The following CEP57L1 variants were observed in gnomAD, a reference collection of about 807,000 sequenced individuals.
CEP57L1 encodes centrosomal protein CEP57L1.
Under a neutral mutation model 61.0 loss-of-function variants are expected in CEP57L1, and 37 were observed. The ratio of observed to expected loss-of-function variants is 0.61; its 90% CI spans 0.47 to 0.80. The LOEUF (loss-of-function observed/expected upper bound fraction) is 0.80, where lower values mean the gene tolerates loss of function less well. CEP57L1 is among the 30% of genes least tolerant of loss of function. The probability of loss-of-function intolerance (pLI) is 0.00; values close to 1 mark genes in which losing one functional copy is unlikely to be tolerated. For synonymous variants in CEP57L1, 137 were observed against 162.3 expected (o/e 0.84, Z 1.19); for missense variants, 422 against 524.7 (o/e 0.80, Z 1.91).
rs945431274 is a variant in CEP57L1, at chr6:109,167,448, C to T, written c.*4478C>T. Among the ~76,000 whole-genome samples the T allele has an allele frequency of 4.0e-5, 6 of 151,772 alleles. No individual in the cohort carries two copies. Among genetic ancestry groups the T allele is most frequent in the African/African-American group, 1.5e-4 (6 of 41,318 alleles). Reference sequence around the variant, plus strand: ...CTGTAATCCCAGCACTGTGAGAGGCCGAGGCAGGCGGATCACCTAAGTCAG... The same window carrying T: ...CTGTAATCCCAGCACTGTGAGAGGCTGAGGCAGGCGGATCACCTAAGTCAG... On this transcript the variant is annotated 3_prime_UTR_variant, in exon 11 of 11. Coordinates refer to ENST00000517392, the MANE Select transcript of CEP57L1 (RefSeq NM_001271852.3).
rs1256672966 is a variant in CEP57L1, at chr6:109,146,859, G to A, written c.262G>A (p.Ala88Thr). Residue 88 changes from alanine (A) to threonine (T), a missense_variant, in exon 3 of 11, where the codon GCA (alanine) becomes ACA (threonine). Physicochemically the swap from Ala to Thr is moderately conservative, Grantham distance 58. Coordinates refer to ENST00000517392, the MANE Select transcript of CEP57L1 (RefSeq NM_001271852.3). ...DNLNILSREA[A>T]QYKKALENET... ...CCTGAACATTCTTTCCAGAGAAGCA[G>A]CACAGTATAAGAAGGCCTTAGAGAA... The A allele has an allele frequency of 6.2e-7, 1 of 1,610,518 alleles. No individual in the cohort carries two copies. Among genetic ancestry groups the A allele is most frequent in the Non-Finnish European group, 8.5e-7 (1 of 1,178,330 alleles).
chr6:109,125,705 CTGAT>C (rs138233619), intron 1 of CEP57L1, among the ~76,000 whole-genome samples: 15,988 of 150,558 alleles, frequency 0.11, 1,215 homozygotes, highest in Non-Finnish European at 0.17. Context: ...CCTGTCTTGA[CTGAT>C]TGATTGATTG....
At chr6:109,154,353 C>T in intron 5 of CEP57L1, among the ~76,000 whole-genome samples, 1 of 152,114 alleles carries the variant, frequency 6.6e-6, no homozygotes, top group Admixed American at 6.6e-5. Flanking sequence ...CCTCCTTGAA[C>T]TCTCCAACAC....
At chr6:109,146,079 C>T (rs1454737462) in intron 2 of CEP57L1, among the ~76,000 whole-genome samples, 1 of 151,800 alleles carries the variant, frequency 6.6e-6, no homozygotes, top group Admixed American at 6.6e-5. Flanking sequence ...TTATTTATCT[C>T]ATTTATAAAA....
intron 4 of CEP57L1, among the ~76,000 whole-genome samples, chr6:109,150,661 C>T (rs1047049963): frequency 1.7e-5 from 1 of 59,824 alleles, no homozygotes; most frequent in African/African-American, 5.6e-5. Flanking sequence ...GACTCTGTCT[C>T]AAAAAAAAAA....
chr6:109,110,179 C>A (rs554545100), intron 1 of CEP57L1, among the ~76,000 whole-genome samples: 3 of 152,256 alleles, frequency 2.0e-5, no homozygotes, highest in Admixed American at 1.3e-4. Context: ...GTTTTTATTT[C>A]TCCACATCCT....
At chr6:109,114,186 G>T (rs779592798) in intron 1 of CEP57L1, among the ~76,000 whole-genome samples, 10 of 151,878 alleles carry the variant, frequency 6.6e-5, no homozygotes, top group African/African-American at 9.7e-5. Flanking sequence ...AGAGTATAAG[G>T]GTTTCTTTTT....
At chr6:109,124,896 G>A (rs1449173371) in intron 1 of CEP57L1, 1 of 152,128 alleles carries the variant, frequency 6.6e-6, no homozygotes. Flanking sequence ...TAATTAAGTT[G>A]TGGATGTTTC....
rs1342527900 is a variant in CEP57L1 at position 109,149,727 on chromosome 6, G to A, written c.341-391G>A. 1.1e-4 allele frequency among the ~76,000 whole-genome samples: 17 copies of A among 149,646 alleles called. 1 individual carries two copies. The highest frequency in any genetic ancestry group is 1.0e-3 in the South Asian group (5 of 4,772). On this transcript the variant is annotated intron_variant, in intron 3 of 10. Transcript: ENST00000517392. ...CTTTGGGCAGTATGGCCATTTTCAC[G>A]ATATTGATTCTTCCTACCCATGAGC...
In CEP57L1 at chr6:109,163,940, G is replaced by C. The variant is rs902957810; in HGVS notation, c.*970G>C. On this transcript the variant is annotated 3_prime_UTR_variant, in exon 11 of 11. Coordinates refer to ENST00000517392, the MANE Select transcript of CEP57L1 (RefSeq NM_001271852.3). ...CTATGGGAACTAGTACAACTCTTCT[G>C]AACTCTTGGTTTCTCACTCAAATCC... 4.6e-5 allele frequency: 7 copies of C among 152,088 alleles called. No homozygotes were observed. Among genetic ancestry groups the C allele is most frequent in the African/African-American group, 1.7e-4 (7 of 41,402 alleles). 9.4% of individuals were successfully genotyped at this position (152,088 alleles called of 1,614,324 possible). A position where few individuals can be genotyped will look rare whatever the true frequency, so the allele number is the denominator to read the frequency against.
At chr6:109,132,746 G>A (rs1583511588) in intron 1 of CEP57L1, among the ~76,000 whole-genome samples, 1 of 152,180 alleles carries the variant, frequency 6.6e-6, no homozygotes, top group East Asian at 1.9e-4. Context: ...TGTTCTCATA[G>A]TTCTACATCA....
chr6:109,121,977 A>G (rs1391738499), intron 1 of CEP57L1, among the ~76,000 whole-genome samples: 1 of 152,204 alleles, frequency 6.6e-6, no homozygotes. Flanking sequence ...CATTCTATCT[A>G]CTGTATTTCA....
intron 1 of CEP57L1, among the ~76,000 whole-genome samples, chr6:109,103,813 T>G (rs1290357400): frequency 6.6e-6 from 1 of 152,188 alleles, no homozygotes; most frequent in East Asian, 1.9e-4. Context: ...ATGAATTTTA[T>G]AAACCAGTCT....
At chr6:109,115,608 T>A (rs74346338) in intron 1 of CEP57L1, among the ~76,000 whole-genome samples, 2,540 of 152,224 alleles carry the variant, frequency 0.017, 56 homozygotes, top group Middle Eastern at 0.058. Flanking sequence ...TTATTTTTTT[T>A]AAAAAATCTG....
At position 109,160,780 on chromosome 6, in the gene CEP57L1, T is replaced by C. The variant is rs753530232; in HGVS notation, c.1161+64T>C. The C allele has an allele frequency of 1.9e-5, 28 of 1,488,736 alleles. No individual in the cohort carries two copies. The Admixed American group carries it at 4.1e-4, about 22-fold the overall frequency. The allele number at this position is 1,488,736 out of a possible 1,614,324, so 92.2% of individuals were successfully genotyped here. A position where few individuals can be genotyped will look rare whatever the true frequency, so the allele number is the denominator to read the frequency against. ...AAATATCTGGATTCAGTGTTGTATC[T>C]CTGTATGACTTTCCAAATTTGAGGT... On this transcript the variant is annotated intron_variant, in intron 10 of 10. Transcript: ENST00000517392.
intron 9 of CEP57L1, among the ~76,000 whole-genome samples, chr6:109,160,038 A>G (rs980862545): frequency 6.6e-6 from 1 of 152,220 alleles, no homozygotes; most frequent in Non-Finnish European, 1.5e-5. Context: ...AGATTTCCAT[A>G]TGGGATACAT....
intron 1 of CEP57L1, among the ~76,000 whole-genome samples, chr6:109,102,936 C>T (rs1419695366): frequency 1.3e-5 from 2 of 152,138 alleles, no homozygotes; most frequent in African/African-American, 4.8e-5. Context: ...CTGTTGTCAG[C>T]ATGTGCAGTT....
intron 1 of CEP57L1, among the ~76,000 whole-genome samples, chr6:109,142,389 C>A (rs1257131989): frequency 6.6e-6 from 1 of 152,092 alleles, no homozygotes; most frequent in African/African-American, 2.4e-5. Flanking sequence ...CATGTTCTCA[C>A]TCATAAGTGG....
At position 109,137,624 on chromosome 6, in the gene CEP57L1, A is replaced by G. The variant is rs1268152194; in HGVS notation, c.-3-7595A>G. 2.0e-5 allele frequency among the ~76,000 whole-genome samples: 3 copies of G among 152,174 alleles called. No individual in the cohort carries two copies. The East Asian group carries it at 5.8e-4, about 29-fold the overall frequency. On this transcript the variant is annotated intron_variant, in intron 1 of 10. Coordinates refer to ENST00000517392, the MANE Select transcript of CEP57L1 (RefSeq NM_001271852.3). Reference sequence around the variant, plus strand: ...CTCAAAACATACTTTTAATGGCTGTATAATTTTACAGTATATGATTGTCAT... The same window carrying G: ...CTCAAAACATACTTTTAATGGCTGTGTAATTTTACAGTATATGATTGTCAT...
Sources: allele counts gnomAD v4.1 joint callset (sites outside exome capture counted in the v4.1 genomes callset), GRCh38; gene constraint gnomAD v4.1.1; transcripts MANE v1.5; gene names NCBI Gene and HGNC (gene_info 2026-07-23, HGNC 2026-07-21).